Variants in TUSC3 observed in about 807,000 individuals in gnomAD.
TUSC3 encodes the protein tumor suppressor candidate 3, also known as dolichyl-diphosphooligosaccharide--protein glycosyltransferase subunit TUSC3.
In TUSC3, 45 loss-of-function variants were observed where a neutral mutation model predicts 44.8. The observed-to-expected ratio is 1.00, with a 90% confidence interval of 0.79 to 1.29. TUSC3 has a LOEUF of 1.29. TUSC3 is among the 50% of genes most tolerant of loss of function. TUSC3 has a pLI of 0.00. For missense variants in TUSC3, 519 were observed against 437.9 expected (o/e 1.19, Z -1.65); for synonymous variants, 212 against 152.9 (o/e 1.39, Z -2.85).
chr8:15,470,769 G>A (rs952847508), intron 1 of TUSC3, among the ~76,000 whole-genome samples: 1 of 152,118 alleles, frequency 6.6e-6, no homozygotes, highest in Non-Finnish European at 1.5e-5. Flanking sequence ...ATTTTCTCCA[G>A]TTCCTCTGGT....
At chr8:15,523,786 G>C (rs894428159) in intron 2 of TUSC3, among the ~76,000 whole-genome samples, 1 of 149,388 alleles carries the variant, frequency 6.7e-6, no homozygotes, top group Non-Finnish European at 1.5e-5. Flanking sequence ...GGCAGGGCGC[G>C]GAGGCTTACG....
Position 15,492,619 on chromosome 8 carries a change from A to C in TUSC3, n.189+9136A>C, listed in dbSNP as rs919270364. Among the ~76,000 whole-genome samples, 6 of 150,716 alleles carry C rather than the reference A, an allele frequency of 4.0e-5. No homozygotes were observed. In the East Asian group the frequency reaches 1.0e-3, roughly 26 times the overall value. ...TTGGTGACCACTCAGATAACTTCAG[A>C]CACAAATTAAATAATTTTTAAAATG... On this transcript the variant is annotated intron_variant and non_coding_transcript_variant, in intron 2 of 5. Transcript: ENST00000503191.
At chr8:15,653,486 T>G (rs1315586526) in intron 3 of TUSC3, among the ~76,000 whole-genome samples, 1 of 152,228 alleles carries the variant, frequency 6.6e-6, no homozygotes, top group East Asian at 1.9e-4. Flanking sequence ...TTCTTTTGTA[T>G]GCTTTAGACA....
At chr8:15,761,981 G>T (rs1398516290) in intron 10 of TUSC3, among the ~76,000 whole-genome samples, 1 of 151,856 alleles carries the variant, frequency 6.6e-6, no homozygotes, top group Non-Finnish European at 1.5e-5. Flanking sequence ...AGAAATGAGA[G>T]ACTAATTCCT....
chr8:15,820,560 G>A, the TUSC3 span, among the ~76,000 whole-genome samples: 2 of 151,814 alleles, frequency 1.3e-5, no homozygotes, highest in South Asian at 2.1e-4. Context: ...CCTCATGATC[G>A]GCCCACCTCA....
chr8:15,739,815 T>C (rs1210926961), intron 7 of TUSC3, among the ~76,000 whole-genome samples: 2 of 152,342 alleles, frequency 1.3e-5, no homozygotes, highest in South Asian at 2.1e-4. Context: ...AATCCTGATA[T>C]CATCTTACTT....
chr8:15,807,980 T>C, the TUSC3 span, among the ~76,000 whole-genome samples: 1 of 94,170 alleles, frequency 1.1e-5, no homozygotes, highest in African/African-American at 4.0e-5. Flanking sequence ...TATAACCATG[T>C]CACATACCTG....
intron 6 of TUSC3, among the ~76,000 whole-genome samples, chr8:15,718,049 T>G (rs1203235988): frequency 2.0e-5 from 3 of 152,130 alleles, no homozygotes; most frequent in Non-Finnish European, 4.4e-5. Flanking sequence ...ATTGATTGAT[T>G]GATTGATTCA....
intron 1 of TUSC3, among the ~76,000 whole-genome samples, chr8:15,424,500 G>T (rs1049015177): frequency 1.3e-5 from 2 of 152,106 alleles, no homozygotes; most frequent in Non-Finnish European, 2.9e-5. Flanking sequence ...TGAGATTAAC[G>T]TTTCTGGGCA....
chr8:15,731,049 G>C (rs188537470), intron 7 of TUSC3, among the ~76,000 whole-genome samples: 85 of 151,930 alleles, frequency 5.6e-4, no homozygotes, highest in Non-Finnish European at 2.7e-4. Flanking sequence ...CTAATGGCAA[G>C]AAAAAAGTGC....
chr8:15,535,036 G>A (rs895931399), intron 2 of TUSC3, among the ~76,000 whole-genome samples: 2 of 152,184 alleles, frequency 1.3e-5, no homozygotes, highest in African/African-American at 4.8e-5. Context: ...ATAGGAGTAT[G>A]GAGTCCTTCT....
At chr8:15,466,264 T>C (rs935675608) in intron 1 of TUSC3, among the ~76,000 whole-genome samples, 60 of 152,210 alleles carry the variant, frequency 3.9e-4, no homozygotes, top group Non-Finnish European at 1.6e-4. Context: ...CTAAGAATTC[T>C]ACATCAAGAG....
chr8:15,502,956 C>G (rs1443586543), intron 2 of TUSC3, among the ~76,000 whole-genome samples: 1 of 152,110 alleles, frequency 6.6e-6, no homozygotes, highest in Non-Finnish European at 1.5e-5. Context: ...TTTGGCTGAA[C>G]TTAGAAACCT....
intron 1 of TUSC3, among the ~76,000 whole-genome samples, chr8:15,586,323 G>T (rs552056029): frequency 6.6e-6 from 1 of 152,114 alleles, no homozygotes. Flanking sequence ...CCGTTGTAGT[G>T]GGGTGGGGAA....
intron 1 of TUSC3, among the ~76,000 whole-genome samples, chr8:15,551,104 A>G (rs193163166): frequency 4.3e-4 from 65 of 151,904 alleles, no homozygotes; most frequent in Middle Eastern, 3.4e-3. Context: ...GTAAAATGAG[A>G]GGGTTGAACA....
At chr8:15,556,533 T>G (rs1802273065) in intron 1 of TUSC3, among the ~76,000 whole-genome samples, 1 of 150,462 alleles carries the variant, frequency 6.6e-6, no homozygotes, top group Admixed American at 6.7e-5. Context: ...ATGGGATGGC[T>G]GGGTCAAATG....
the TUSC3 span, among the ~76,000 whole-genome samples, chr8:15,818,223 C>T: frequency 5.3e-5 from 8 of 152,248 alleles, no homozygotes; most frequent in South Asian, 1.0e-3. Context: ...AAAATTGACA[C>T]ATGATAGTCA....
intron 4 of TUSC3, among the ~76,000 whole-genome samples, chr8:15,661,952 G>A (rs1807444799): frequency 6.6e-6 from 1 of 151,954 alleles, no homozygotes; most frequent in African/African-American, 2.4e-5. Context: ...TAGTCATCAG[G>A]GAAGTGCAAA....
intron 2 of TUSC3, among the ~76,000 whole-genome samples, chr8:15,625,835 G>C (rs529123636): frequency 5.9e-5 from 9 of 152,272 alleles, no homozygotes; most frequent in African/African-American, 2.2e-4. Flanking sequence ...TAGAGAACAT[G>C]GTGAGCAAAA....
Sources: gnomAD v4.1 joint callset for allele counts (sites outside exome capture counted in the v4.1 genomes callset) on GRCh38, gnomAD v4.1.1 for gene constraint, MANE v1.5 for transcripts, NCBI Gene and HGNC (gene_info 2026-07-23, HGNC 2026-07-21) for gene names.